CALCOCO1: variants seen among roughly 807,000 people sequenced by gnomAD.
CALCOCO1 encodes calcium binding and coiled-coil domain 1.
CALCOCO1 carries 44 observed loss-of-function variants against 86.3 expected under a neutral mutation model. The observed-to-expected ratio is 0.51, with a 90% CI of 0.40 to 0.66. CALCOCO1 has a LOEUF of 0.66. Among genes scored for constraint, CALCOCO1 ranks in the 30% least tolerant of loss-of-function variants. The probability of loss-of-function intolerance (pLI) is 0.00; values close to 1 mark genes in which losing one functional copy is unlikely to be tolerated. For missense variants in CALCOCO1, 708 were observed against 851.1 expected (o/e 0.83, Z 2.09); for synonymous variants, 297 against 327.6 (o/e 0.91, Z 1.01).
intron 14 of CALCOCO1, chr12:53,712,349 G>A: frequency 2.1e-6 from 1 of 484,642 alleles, no homozygotes. Context: ...CTGCAGTGCA[G>A]AGCCCATCCC....
chr12:53,717,728 AAAAC>A (rs1945762877), intron 7 of CALCOCO1, among the ~76,000 whole-genome samples: 1 of 152,226 alleles, frequency 6.6e-6, no homozygotes, highest in Non-Finnish European at 1.5e-5. Flanking sequence ...TAAAAAAAGA[AAAAC>A]AACACAAGGC....
intron 1 of CALCOCO1, among the ~76,000 whole-genome samples, 176 bp from the exon 2 acceptor site, chr12:53,725,442 G>A (rs1175389483): frequency 2.6e-5 from 4 of 152,200 alleles, no homozygotes; most frequent in Admixed American, 6.5e-5. Context: ...TCTCTAGGAC[G>A]TAGGTCTGGC....
At chr12:53,713,245 G>A (rs1303597299) in intron 13 of CALCOCO1, 39 bp from the exon 14 acceptor site, 2 of 1,536,258 alleles carry the variant, frequency 1.3e-6, no homozygotes, top group African/African-American at 1.4e-5. Context: ...TTGGGGTGGT[G>A]TCCCAAGATG....
chr12:53,727,175 G>A (rs1458591732), intron 1 of CALCOCO1, among the ~76,000 whole-genome samples: 4 of 152,102 alleles, frequency 2.6e-5, no homozygotes, highest in Admixed American at 2.6e-4. Context: ...GACGCATTGA[G>A]AAGAAGGAGA....
At chr12:53,714,039 G>A (rs1320037164) in intron 12 of CALCOCO1, 94 bp downstream of exon 12, 11 of 1,314,980 alleles carry the variant, frequency 8.4e-6, no homozygotes, top group African/African-American at 1.4e-5. Context: ...CACATAGAAG[G>A]CAAAGGCAGC....
intron 13 of CALCOCO1, 66 bp downstream of exon 13, chr12:53,713,635 G>T (rs1945639786): frequency 2.1e-6 from 3 of 1,398,278 alleles, no homozygotes; most frequent in Non-Finnish European, 2.9e-6. Flanking sequence ...TGCACTCCAG[G>T]CTGGGACACT....
At chr12:53,722,306 G>A (rs1593091637) in intron 4 of CALCOCO1, 123 bp from the exon 5 acceptor site, 1 of 1,060,144 alleles carries the variant, frequency 9.4e-7, no homozygotes, top group Non-Finnish European at 1.4e-6. Context: ...TTATAAAGAG[G>A]TGAGGAAGGG....
rs1945522441 is a variant in CALCOCO1, at chr12:53,710,293, T to C, written c.*1651A>G. On this transcript the variant is annotated 3_prime_UTR_variant, in exon 15 of 15. Transcript: ENST00000550804. ...GGAGACGTGAGGGAAGAAGGAACGA[T>C]GTAAGAAGTCATCCAGGTGGGGCTG... 1 of 151,970 alleles carries C rather than the reference T, an allele frequency of 6.6e-6. No homozygotes were observed. Among genetic ancestry groups the C allele is most frequent in the African/African-American group, 2.4e-5 (1 of 41,222 alleles). 9.4% of individuals were successfully genotyped at this position (151,970 alleles called of 1,614,324 possible).
chr12:53,711,383 C>G lies in CALCOCO1; in HGVS notation c.*561G>C. 1 of 388,968 alleles carries G rather than the reference C, an allele frequency of 2.6e-6. No homozygotes were observed. The highest frequency in any genetic ancestry group is 4.5e-6 in the Non-Finnish European group (1 of 220,434). The allele number at this position is 388,968 out of a possible 1,614,324, so 24.1% of individuals were successfully genotyped here. On this transcript the variant is annotated 3_prime_UTR_variant, in exon 15 of 15. Transcript: ENST00000550804. ...TGAATACCTAAGGTTATGGAAAAGGCTAGGGTGGGGCACAGAAGTCAATGG... is the reference window on the plus strand; with the variant it reads ...TGAATACCTAAGGTTATGGAAAAGGGTAGGGTGGGGCACAGAAGTCAATGG...
chr12:53,712,785 G>A, intron 14 of CALCOCO1: 1 of 1,355,724 alleles, frequency 7.4e-7, no homozygotes. Flanking sequence ...CTGGTGGTTG[G>A]GGAAGGGGTA....
intron 2 of CALCOCO1, 113 bp from the exon 3 acceptor site, chr12:53,724,860 A>T: frequency 1.1e-6 from 1 of 892,176 alleles, no homozygotes; most frequent in South Asian, 1.7e-5. Flanking sequence ...AGTGGCAACA[A>T]TGACAAGAGA....
At chr12:53,722,899 C>T (rs756927571) in intron 4 of CALCOCO1, 5 of 418,706 alleles carry the variant, frequency 1.2e-5, no homozygotes, top group African/African-American at 2.3e-5. Flanking sequence ...CTTTCACTTA[C>T]GTGAGATATA....
chr12:53,719,597 T>C (rs1945815123), intron 7 of CALCOCO1, 142 bp downstream of exon 7: 2 of 631,782 alleles, frequency 3.2e-6, no homozygotes, highest in Non-Finnish European at 5.7e-6. Context: ...CTAATCCTGA[T>C]TTAGGTATAT....
At position 53,711,996 on chromosome 12, in the gene CALCOCO1, TGGTCCTCCAGGGCA is replaced by T. The variant is rs1945569604; in HGVS notation, c.2010_2023del (p.Asp670GlufsTer17). The T allele has an allele frequency of 6.2e-7, 1 of 1,606,774 alleles. No individual in the cohort carries two copies. The highest frequency in any genetic ancestry group is 1.7e-5 in the Admixed American group (1 of 58,734). On this transcript the variant is annotated frameshift_variant, in exon 15 of 15. Coordinates refer to ENST00000550804, the MANE Select transcript of CALCOCO1 (RefSeq NM_020898.3). LOFTEE classifies it high-confidence loss of function. The stretch of plus-strand genomic sequence containing the variant: ...GCTGAAAAAGAAGTGTCCATCCATG[TGGTCCTCCAGGGCA>T]TCCTTGTCACTCTCAGCAGGAAAGC...
chr12:53,710,425 T>C lies in CALCOCO1; in HGVS notation c.*1519A>G, dbSNP rs1945524189. Reference sequence around the variant, plus strand: ...AGGAGGGCAGCTGAGAAGGGAGCTATTGGGTTGGAGGACGAGGGGGTTGTA... The same window carrying C: ...AGGAGGGCAGCTGAGAAGGGAGCTACTGGGTTGGAGGACGAGGGGGTTGTA... On this transcript the variant is annotated 3_prime_UTR_variant, in exon 15 of 15. Transcript: ENST00000550804. The C allele has an allele frequency of 2.0e-5, 3 of 152,712 alleles. No individual in the cohort carries two copies. The highest frequency in any genetic ancestry group is 1.9e-4 in the East Asian group (1 of 5,188). The allele number at this position is 152,712 out of a possible 1,614,324, so 9.5% of individuals were successfully genotyped here.
intron 13 of CALCOCO1, 27 bp from the exon 14 acceptor site, chr12:53,713,233 C>G: frequency 6.3e-7 from 1 of 1,598,518 alleles, no homozygotes; most frequent in East Asian, 2.2e-5. Flanking sequence ...CAGGGTTGGG[C>G]TTTGGGGTGG....
intron 1 of CALCOCO1, 127 bp downstream of exon 1, chr12:53,727,277 A>T (rs955765118): frequency 2.6e-5 from 4 of 152,238 alleles, no homozygotes; most frequent in African/African-American, 9.7e-5. Context: ...CAGTACGGAA[A>T]GGGTTACAAC....
At position 53,715,268 on chromosome 12, in the gene CALCOCO1, C is replaced by T. The variant is rs1438180436; in HGVS notation, c.1318G>A (p.Val440Ile). Residue 440 changes from valine to isoleucine, a missense_variant, in exon 10 of 15, where the codon GTT becomes ATT. By Grantham distance (29) the Val-to-Ile change is conservative. Transcript: ENST00000550804. ...SAEILRLEKA[V>I]QEERTQNQVF... ...TGGTTTTGGGTCCTCTCCTCCTGAA[C>T]TGCCTTCTCCAATCGAAGTATCTCT... 1.2e-6 allele frequency: 2 copies of T among 1,614,206 alleles called. No individual in the cohort carries two copies. The highest frequency in any genetic ancestry group is 1.7e-5 in the Admixed American group (1 of 60,030).
rs202168855 is a variant in CALCOCO1, at chr12:53,721,614, C to T, written c.611G>A (p.Gly204Glu). ...GATCTCCCCATGGGACCGGGAAATC[C>T]CCTGAAATTAAGTTTCCCCCAGAAG... ...EHTELMEQYKGISRSHGEITE... is the reference protein window; with the variant it reads ...EHTELMEQYKEISRSHGEITE... The change falls in exon 6 of 15, where the codon GGG (glycine) becomes GAG (glutamate). Residue 204 changes from glycine to glutamate, a missense_variant and splice_region_variant. Transcript: ENST00000550804. 1.2e-6 allele frequency: 2 copies of T among 1,613,888 alleles called. No individual in the cohort carries two copies. The highest frequency in any genetic ancestry group is 4.5e-5 in the East Asian group (2 of 44,870).
Sources: allele counts gnomAD v4.1 joint callset (sites outside exome capture counted in the v4.1 genomes callset), GRCh38; gene constraint gnomAD v4.1.1; transcripts MANE v1.5; gene names NCBI Gene and HGNC (gene_info 2026-07-23, HGNC 2026-07-21).